Variants in SPAG1 observed in about 807,000 individuals in gnomAD.
SPAG1 encodes the protein sperm associated antigen 1.
In SPAG1, 69 loss-of-function variants were observed where a neutral mutation model predicts 100.5. The observed-to-expected ratio is 0.69, with a 90% confidence interval of 0.57 to 0.84. The LOEUF is 0.84. SPAG1 is among the 40% of genes least tolerant of loss of function. The probability of loss-of-function intolerance (pLI) is 0.00; values close to 1 mark genes in which losing one functional copy is unlikely to be tolerated. For synonymous variants in SPAG1, 336 were observed against 411.6 expected (o/e 0.82, Z 2.22); for missense variants, 955 against 1,133.1 (o/e 0.84, Z 2.26).
chr8:100,159,862 C>A (rs1004869027), intron 1 of SPAG1, among the ~76,000 whole-genome samples: 1 of 152,116 alleles, frequency 6.6e-6, no homozygotes, highest in Non-Finnish European at 1.5e-5. Flanking sequence ...TATTGAGACT[C>A]GTATCCTTAG....
At chr8:100,228,803 A>C (rs1407268915) in intron 14 of SPAG1, among the ~76,000 whole-genome samples, 1 of 152,160 alleles carries the variant, frequency 6.6e-6, no homozygotes. Context: ...ATTTTAATTT[A>C]TGGATTTTTA....
intron 10 of SPAG1, among the ~76,000 whole-genome samples, chr8:100,206,398 T>C (rs1817519557): frequency 6.6e-6 from 1 of 152,220 alleles, no homozygotes; most frequent in Admixed American, 6.5e-5. Flanking sequence ...TGTGTCATAG[T>C]CTTATTCGGA....
chr8:100,222,021 A>G (rs1245840932), intron 13 of SPAG1, among the ~76,000 whole-genome samples: 1 of 152,236 alleles, frequency 6.6e-6, no homozygotes, highest in Non-Finnish European at 1.5e-5. Flanking sequence ...TCTGGCACCC[A>G]CAGCCTCCTT....
At chr8:100,237,286 G>T (rs1045152709) in intron 16 of SPAG1, among the ~76,000 whole-genome samples, 10 of 152,078 alleles carry the variant, frequency 6.6e-5, no homozygotes, top group Non-Finnish European at 1.2e-4. Flanking sequence ...TAGCTGTGTT[G>T]GTCAGGCTGG....
At chr8:100,225,756 C>T (rs945911125) in intron 14 of SPAG1, among the ~76,000 whole-genome samples, 3 of 152,122 alleles carry the variant, frequency 2.0e-5, no homozygotes, top group Admixed American at 6.5e-5. Flanking sequence ...ATTATGTTCT[C>T]CCTCTTTAAA....
rs151048428 is a variant in SPAG1 at position 100,180,290 on chromosome 8, A to G, written c.426+2349A>G. ...GTGGTCAAGGCTGCAGTGAGCCATG[A>G]TGACATCACTATACTCCAGTCTGGG... On this transcript the variant is annotated intron_variant, in intron 4 of 18. Transcript: ENST00000388798. 1.3e-3 allele frequency among the ~76,000 whole-genome samples: 198 copies of G among 152,326 alleles called. 1 individual carries two copies. Among genetic ancestry groups the G allele is most frequent in the African/African-American group, 4.4e-3 (181 of 41,572 alleles).
intron 3 of SPAG1, among the ~76,000 whole-genome samples, chr8:100,176,833 CCTCTCCTCTT>C (rs917833399): frequency 2.0e-5 from 3 of 147,884 alleles, no homozygotes; most frequent in South Asian, 2.2e-4. Flanking sequence ...CCTCTCCTCT[CCTCTCCTCTT>C]CTCTCTCCTC....
Position 100,194,196 on chromosome 8 carries a change from C to A in SPAG1, c.1024C>A (p.Gln342Lys). Residue 342 changes from glutamine to lysine, a missense_variant, in exon 10 of 19, where the codon CAG (glutamine) becomes AAG (lysine). Physicochemically the swap from Gln to Lys is moderately conservative, Grantham distance 53 (BLOSUM62 1). Transcript: ENST00000388798. ...AACCAAAGGGAAAAGGATGGTTATT[C>A]AGGAAATAGAAAACTCCGAAGATGA... ...TQTKGKRMVI[Q>K]EIENSEDEEG... The A allele has an allele frequency of 6.2e-7, 1 of 1,611,848 alleles. No individual in the cohort carries two copies. The highest frequency in any genetic ancestry group is 2.2e-5 in the East Asian group (1 of 44,780).
intron 3 of SPAG1, among the ~76,000 whole-genome samples, chr8:100,176,373 CTTTT>C: frequency 7.3e-6 from 1 of 137,694 alleles, no homozygotes; most frequent in East Asian, 2.1e-4. Flanking sequence ...TTCTTTCTTT[CTTTT>C]TTTTTTGAGA....
chr8:100,225,325 A>C lies in SPAG1; in HGVS notation c.1841A>C (p.Gln614Pro), dbSNP rs912740405. 11 of 1,613,546 alleles carry C rather than the reference A, an allele frequency of 6.8e-6. No homozygotes were observed. In the Middle Eastern group the frequency reaches 6.9e-4, roughly 102 times the overall value. The change falls in exon 14 of 19, where the codon CAG becomes CCG. Residue 614 changes from glutamine to proline, a missense_variant. Gln to Pro is a moderately conservative substitution (Grantham distance 76). Coordinates refer to ENST00000388798, the MANE Select transcript of SPAG1 (RefSeq NM_003114.5). ...KQAGDSSSHRQQGITDEKTFK... is the reference protein window; with the variant it reads ...KQAGDSSSHRPQGITDEKTFK... ...GCAGGAGACTCCAGCAGCCATCGCCAGCAGGGCATCACAGGTGGGGGATGC... is the reference window on the plus strand; with the variant it reads ...GCAGGAGACTCCAGCAGCCATCGCCCGCAGGGCATCACAGGTGGGGGATGC...
rs1816542503 is a variant in SPAG1, at chr8:100,185,393, C to T, written c.701+660C>T. On this transcript the variant is annotated intron_variant, in intron 7 of 18. Transcript: ENST00000388798. ...TAGGTTAAATCTCCATCTCACCCCA[C>T]CCACCTCACCTCCCAATTTATAGGC... Among the ~76,000 whole-genome samples the T allele has an allele frequency of 2.0e-5, 3 of 152,146 alleles. No homozygotes were observed. In the South Asian group the frequency reaches 6.2e-4, roughly 31 times the overall value.
At chr8:100,196,913 T>C (rs1443120675) in intron 10 of SPAG1, among the ~76,000 whole-genome samples, 2 of 151,996 alleles carry the variant, frequency 1.3e-5, no homozygotes, top group Non-Finnish European at 1.5e-5. Context: ...TATGTTCATT[T>C]GCTTCTCTTT....
intron 2 of SPAG1, 112 bp downstream of exon 2, chr8:100,162,532 T>C (rs1815357962): frequency 1.2e-6 from 1 of 854,374 alleles, no homozygotes; most frequent in African/African-American, 1.7e-5. Flanking sequence ...CCATGCATGG[T>C]AGGTCCCAAA....
upstream of SPAG1, chr8:100,158,060 A>C (rs1006522005): frequency 6.6e-6 from 1 of 152,418 alleles, no homozygotes; most frequent in Middle Eastern, 3.4e-3. Context: ...CAGCACCTGC[A>C]GTGCAGCCAG....
intron 10 of SPAG1, among the ~76,000 whole-genome samples, chr8:100,201,326 C>T (rs781011201): frequency 1.4e-4 from 22 of 152,070 alleles, no homozygotes; most frequent in Non-Finnish European, 3.1e-4. Flanking sequence ...GGTCTCACTT[C>T]GTTACTCAGG....
At chr8:100,224,605 G>A (rs1225421211) in intron 13 of SPAG1, among the ~76,000 whole-genome samples, 1 of 152,142 alleles carries the variant, frequency 6.6e-6, no homozygotes, top group African/African-American at 2.4e-5. Flanking sequence ...AAAAAATACA[G>A]AGCAAGAAAG....
intron 12 of SPAG1, among the ~76,000 whole-genome samples, chr8:100,217,058 TC>T (rs2132372785): frequency 6.7e-6 from 1 of 148,590 alleles, no homozygotes; most frequent in African/African-American, 2.5e-5. Context: ...TGCCTCAGCC[TC>T]CCGAGTTGCT....
At chr8:100,183,501 A>T (rs1386565587) in intron 5 of SPAG1, 65 bp downstream of exon 5, 7 of 730,270 alleles carry the variant, frequency 9.6e-6, no homozygotes, top group African/African-American at 1.8e-5. Flanking sequence ...AAAATACTGC[A>T]ATAATTTCTT....
rs575259907 is a variant in SPAG1 at position 100,190,138 on chromosome 8, G to A, written c.833-1252G>A. ...ATCCTGGCTAACACGGTGAAACCCC[G>A]TCTCTACTAAAAATACCAAAAAAAA... On this transcript the variant is annotated intron_variant, in intron 8 of 18. Coordinates refer to ENST00000388798, the MANE Select transcript of SPAG1 (RefSeq NM_003114.5). Among the ~76,000 whole-genome samples, 14 of 151,936 alleles carry A rather than the reference G, an allele frequency of 9.2e-5. 1 individual carries two copies. Among genetic ancestry groups the A allele is most frequent in the South Asian group, 4.2e-4 (2 of 4,812 alleles).
Sources: allele counts gnomAD v4.1 joint callset (sites outside exome capture counted in the v4.1 genomes callset), GRCh38; gene constraint gnomAD v4.1.1; transcripts MANE v1.5; gene names NCBI Gene and HGNC (gene_info 2026-07-23, HGNC 2026-07-21).